Variants in RIMS1 observed in about 807,000 individuals in gnomAD.
RIMS1 encodes regulating synaptic membrane exocytosis 1, also known as regulating synaptic membrane exocytosis protein 1.
RIMS1 carries 83 observed loss-of-function variants against 214.1 expected under a neutral mutation model. The observed-to-expected ratio is 0.39, with a 90% CI of 0.32 to 0.47. The LOEUF is 0.47. Among genes scored for constraint, RIMS1 ranks in the 20% least tolerant of loss-of-function variants. The pLI, the probability that RIMS1 is intolerant of heterozygous loss-of-function variation, is 0.99. For missense variants in RIMS1, 2,050 were observed against 2,161.8 expected, an observed-to-expected ratio of 0.95 and a Z score of 1.03; for synonymous variants, 793 against 786.8, an observed-to-expected ratio of 1.01 and a Z score of -0.13.
At chr6:72,089,975 T>A (rs1038668660) in intron 2 of RIMS1, among the ~76,000 whole-genome samples, 4 of 129,326 alleles carry the variant, frequency 3.1e-5, no homozygotes, top group Non-Finnish European at 4.7e-5. Context: ...AACAATGAGA[T>A]CACATGGACA....
At position 72,400,504 on chromosome 6, in the gene RIMS1, C is replaced by T. The variant is rs2098828487; in HGVS notation, c.4869C>T (p.Val1623=). 1 of 1,613,794 alleles carries T rather than the reference C, an allele frequency of 6.2e-7. No homozygotes were observed. Among genetic ancestry groups the T allele is most frequent in the Non-Finnish European group, 8.5e-7 (1 of 1,179,710 alleles). The change falls in exon 34 of 34, where the codon GTC becomes GTT. Residue 1623 remains valine, a synonymous_variant. Transcript: ENST00000521978. The part of the protein sequence containing the change: ...SPQGKVLQVI[V]WGDYGRMDHK... ...TTTCTCTATCTCTGCAGGTGATTGT[C>T]TGGGGAGACTATGGCAGAATGGACC...
chr6:72,081,774 T>G (rs1011629710), intron 2 of RIMS1, among the ~76,000 whole-genome samples: 3 of 152,200 alleles, frequency 2.0e-5, no homozygotes, highest in Admixed American at 1.3e-4. Context: ...TTAGCAGTAA[T>G]ATTTGAATTA....
chr6:72,122,823 TC>T (rs1431375368), intron 4 of RIMS1, among the ~76,000 whole-genome samples: 1 of 151,854 alleles, frequency 6.6e-6, no homozygotes, highest in Non-Finnish European at 1.5e-5. Context: ...AGTGGTGATA[TC>T]CCCTTTATCA....
chr6:72,287,581 C>T (rs1184368016), intron 24 of RIMS1, among the ~76,000 whole-genome samples: 1 of 151,412 alleles, frequency 6.6e-6, no homozygotes, highest in Non-Finnish European at 1.5e-5. Flanking sequence ...TTGAATTAAA[C>T]TTTTGCTCTG....
chr6:72,281,023 A>G (rs1308220082), intron 23 of RIMS1, among the ~76,000 whole-genome samples: 3 of 152,096 alleles, frequency 2.0e-5, no homozygotes, highest in Non-Finnish European at 2.9e-5. Context: ...CAGAGACATT[A>G]AGTAATTTCA....
At chr6:72,166,715 T>A (rs201209942) in intron 4 of RIMS1, among the ~76,000 whole-genome samples, 3,170 of 149,516 alleles carry the variant, frequency 0.021, 27 homozygotes, top group African/African-American at 0.026. Flanking sequence ...GTCTCTATTT[T>A]AAAAAAAAAA....
intron 4 of RIMS1, among the ~76,000 whole-genome samples, chr6:72,166,432 A>G (rs2463745): frequency 0.48 from 72,742 of 151,926 alleles, 18,602 homozygotes; most frequent in East Asian, 0.82. Context: ...GAGCTTCAAC[A>G]TACAAATTTT....
At chr6:72,042,666 T>C (rs1372382146) in intron 2 of RIMS1, among the ~76,000 whole-genome samples, 2 of 151,944 alleles carry the variant, frequency 1.3e-5, no homozygotes, top group Admixed American at 1.3e-4. Flanking sequence ...ATTTCTTTTC[T>C]AAGTTTTTCC....
At chr6:72,217,786 A>G (rs2056816948) in intron 6 of RIMS1, among the ~76,000 whole-genome samples, 1 of 152,188 alleles carries the variant, frequency 6.6e-6, no homozygotes, top group African/African-American at 2.4e-5. Context: ...TGTGGACTAA[A>G]GGGGAAACTG....
intron 30 of RIMS1, 56 bp downstream of exon 30, chr6:72,390,792 A>T: frequency 6.3e-7 from 1 of 1,581,588 alleles, no homozygotes; most frequent in Admixed American, 1.8e-5. Flanking sequence ...TGTACTAATC[A>T]GTAAGATAAC....
At chr6:72,143,737 T>C (rs2042360965) in intron 4 of RIMS1, among the ~76,000 whole-genome samples, 1 of 152,208 alleles carries the variant, frequency 6.6e-6, no homozygotes, top group Admixed American at 6.5e-5. Flanking sequence ...CTCCAGACAA[T>C]GCCAAAGAGG....
chr6:72,291,739 C>A (rs1351114149), intron 25 of RIMS1, among the ~76,000 whole-genome samples, 195 bp from the exon 26 acceptor site: 6 of 152,178 alleles, frequency 3.9e-5, no homozygotes, highest in Non-Finnish European at 7.3e-5. Flanking sequence ...GTGTGTGGTG[C>A]ACATTGCCCT....
At chr6:72,266,284 A>C in intron 22 of RIMS1, 1 of 542,180 alleles carries the variant, frequency 1.8e-6, no homozygotes, top group South Asian at 2.1e-5. Context: ...GGCGTGGTGT[A>C]ATTTGTAACT....
At chr6:72,237,956 G>A (rs2064958934) in intron 9 of RIMS1, 34 bp downstream of exon 9, 18 of 1,434,188 alleles carry the variant, frequency 1.3e-5, no homozygotes, top group Non-Finnish European at 1.7e-5. Flanking sequence ...TAAACAGTGT[G>A]TTCTCCATGC....
intron 2 of RIMS1, among the ~76,000 whole-genome samples, chr6:72,060,113 T>G (rs548603987): frequency 1.3e-5 from 2 of 150,882 alleles, no homozygotes; most frequent in African/African-American, 2.4e-5. Flanking sequence ...TAATTTTGAT[T>G]ATTATTATTA....
chr6:71,887,053 T>C lies in RIMS1; in HGVS notation c.30T>C (p.Pro10=). MSSAVGPRG[P]RPPTVPPPMQ... The stretch of plus-strand genomic sequence containing the variant: ...CCTCGGCCGTGGGGCCCCGCGGTCC[T>C]CGCCCACCCACGGTGCCTCCCCCCA... Residue 10 remains proline (P), a synonymous_variant, in exon 1 of 34, where the codon CCT becomes CCC. Coordinates refer to ENST00000521978, the MANE Select transcript of RIMS1 (RefSeq NM_014989.7). The C allele has an allele frequency of 6.2e-7, 1 of 1,613,414 alleles. No homozygotes were observed. Among genetic ancestry groups the C allele is most frequent in the Non-Finnish European group, 8.5e-7 (1 of 1,179,662 alleles).
intron 2 of RIMS1, among the ~76,000 whole-genome samples, chr6:72,044,533 A>G (rs370232554): frequency 2.6e-4 from 39 of 151,772 alleles, no homozygotes; most frequent in Admixed American, 9.9e-4. Context: ...ACAGCAAACG[A>G]CCCCCCTGAT....
chr6:72,334,308 A>G (rs1360846206), intron 29 of RIMS1, among the ~76,000 whole-genome samples: 1 of 151,866 alleles, frequency 6.6e-6, no homozygotes, highest in Admixed American at 6.6e-5. Flanking sequence ...TATAGTTTCA[A>G]TGTAAGTAAA....
At chr6:71,968,913 T>C (rs1424653057) in intron 1 of RIMS1, 70 bp from the exon 2 acceptor site, 2 of 1,438,022 alleles carry the variant, frequency 1.4e-6, no homozygotes, top group Non-Finnish European at 2.0e-6. Flanking sequence ...CAGTACCGTG[T>C]TTAATTTCTA....
Sources: gnomAD v4.1 joint callset for allele counts (sites outside exome capture counted in the v4.1 genomes callset) on GRCh38, gnomAD v4.1.1 for gene constraint, MANE v1.5 for transcripts, NCBI Gene and HGNC (gene_info 2026-07-23, HGNC 2026-07-21) for gene names.